Variants in CYFIP1 observed in about 807,000 individuals in gnomAD.
The protein encoded by CYFIP1 is cytoplasmic FMR1-interacting protein 1.
Under a neutral mutation model 163.5 loss-of-function variants are expected in CYFIP1, and 58 were observed. The observed-to-expected ratio is 0.35, with a 90% CI of 0.29 to 0.44. The LOEUF (loss-of-function observed/expected upper bound fraction) is 0.44, where lower values mean the gene tolerates loss of function less well. Among genes scored for constraint, CYFIP1 ranks in the 20% least tolerant of loss-of-function variants. The pLI, the probability that CYFIP1 is intolerant of heterozygous loss-of-function variation, is 1.00. For missense variants in CYFIP1, 1,338 were observed against 1,653.8 expected (o/e 0.81, Z 3.31); for synonymous variants, 663 against 660.7 (o/e 1.00, Z -0.05).
intron 3 of CYFIP1, chr15:22,946,742 T>G: frequency 1.6e-6 from 1 of 637,428 alleles, no homozygotes; most frequent in African/African-American, 1.8e-5. Context: ...GGAGAGGGAA[T>G]GAGCATTAAC....
intron 8 of CYFIP1, among the ~76,000 whole-genome samples, chr15:22,937,573 T>G (rs949197133): frequency 2.0e-5 from 3 of 151,940 alleles, no homozygotes; most frequent in African/African-American, 4.8e-5. Flanking sequence ...CAGTTAAGTT[T>G]CGGTGTATGC....
At chr15:22,907,095 C>A (rs2060611294) in intron 21 of CYFIP1, among the ~76,000 whole-genome samples, 1 of 152,196 alleles carries the variant, frequency 6.6e-6, no homozygotes, top group African/African-American at 2.4e-5. Flanking sequence ...AGCTTACATG[C>A]TATTCCCAGC....
At chr15:22,920,159 CTTTTTTTTTTTTTTT>C (rs71117470) in intron 13 of CYFIP1, among the ~76,000 whole-genome samples, 5 of 75,520 alleles carry the variant, frequency 6.6e-5, no homozygotes, top group African/African-American at 2.7e-4. Flanking sequence ...ATTAAGGCAG[CTTTTTTTTTTTTTTT>C]TTTTTTTTGA....
chr15:22,955,981 A>G lies in CYFIP1; in HGVS notation c.-6-8690T>C, dbSNP rs148231044. 9.1e-4 allele frequency among the ~76,000 whole-genome samples: 138 copies of G among 152,232 alleles called. 1 individual carries two copies. In the East Asian group the frequency reaches 0.023, roughly 26 times the overall value. ...TTCTCTAATCCCAGCACTTTGGGAGACCGAGGCTTGAGGTCAGGAGTTTGA... is the reference window on the plus strand; with the variant it reads ...TTCTCTAATCCCAGCACTTTGGGAGGCCGAGGCTTGAGGTCAGGAGTTTGA... On this transcript the variant is annotated intron_variant, in intron 1 of 30. Coordinates refer to ENST00000617928, the MANE Select transcript of CYFIP1 (RefSeq NM_014608.6).
intron 11 of CYFIP1, 29 bp downstream of exon 11, chr15:22,932,194 C>A (rs1183981271): frequency 1.9e-6 from 3 of 1,549,218 alleles, no homozygotes; most frequent in Non-Finnish European, 2.6e-6. Context: ...CCCTCGGGTG[C>A]CTGTGCAGCT....
At chr15:22,899,998 T>C (rs1417719814) in intron 22 of CYFIP1, among the ~76,000 whole-genome samples, 7 of 152,112 alleles carry the variant, frequency 4.6e-5, no homozygotes, top group Admixed American at 4.6e-4. Context: ...GAGCCGAGAC[T>C]GTACAACTGC....
chr15:22,976,387 C>T (rs950249529), intron 1 of CYFIP1, among the ~76,000 whole-genome samples: 6 of 152,010 alleles, frequency 3.9e-5, no homozygotes, highest in Admixed American at 1.3e-4. Context: ...CGAACTCCTG[C>T]CCTTGTGATC....
At chr15:22,894,278 CTTTTTTTTT>C (rs57603773) in intron 22 of CYFIP1, among the ~76,000 whole-genome samples, 2 of 65,470 alleles carry the variant, frequency 3.1e-5, no homozygotes, top group East Asian at 5.0e-4. Flanking sequence ...GCAGACTTTT[CTTTTTTTTT>C]TTTTTTTTTT....
At chr15:22,938,201 GAAT>G (rs1213228734) in intron 8 of CYFIP1, among the ~76,000 whole-genome samples, 3 of 152,168 alleles carry the variant, frequency 2.0e-5, no homozygotes, top group African/African-American at 4.8e-5. Context: ...AATTTGAACA[GAAT>G]AATAAAGAAT....
chr15:22,884,923 A>AG (rs1316193914), intron 23 of CYFIP1, among the ~76,000 whole-genome samples: 4 of 117,366 alleles, frequency 3.4e-5, no homozygotes, highest in Non-Finnish European at 6.5e-5. Context: ...ACCAGGAAGC[A>AG]GGGATGCAGG....
Position 22,955,010 on chromosome 15 carries a change from G to C in CYFIP1, c.-6-7719C>G, listed in dbSNP as rs149729186. Among the ~76,000 whole-genome samples the C allele has an allele frequency of 3.8e-3, 572 of 152,276 alleles. 3 individuals carry two copies. Among genetic ancestry groups the C allele is most frequent in the Non-Finnish European group, 6.0e-3 (408 of 68,018 alleles). ...GGCTCCGTGTCTGAGCTCACATCAT[G>C]CTGCACACCTCACTCACCTGCTGGA... On this transcript the variant is annotated intron_variant, in intron 1 of 30. Coordinates refer to ENST00000617928, the MANE Select transcript of CYFIP1 (RefSeq NM_014608.6).
intron 23 of CYFIP1, among the ~76,000 whole-genome samples, chr15:22,889,269 A>C (rs555477411): frequency 6.6e-6 from 1 of 152,298 alleles, no homozygotes; most frequent in African/African-American, 2.4e-5. Context: ...CCAAGTGCCC[A>C]TTCCCTGGAG....
chr15:22,906,765 A>T (rs2060599744), intron 21 of CYFIP1, among the ~76,000 whole-genome samples: 1 of 152,164 alleles, frequency 6.6e-6, no homozygotes. Context: ...GCGCCCGGCC[A>T]GCAACTACTA....
At chr15:22,901,945 G>A (rs1046172170) in intron 22 of CYFIP1, among the ~76,000 whole-genome samples, 15 of 152,154 alleles carry the variant, frequency 9.9e-5, no homozygotes, top group East Asian at 1.9e-4. Flanking sequence ...TGAGTAAACC[G>A]GAGCTCTTCT....
intron 1 of CYFIP1, chr15:22,947,779 C>G (rs1258581366): frequency 2.8e-5 from 7 of 245,898 alleles, no homozygotes; most frequent in Non-Finnish European, 4.6e-5. Flanking sequence ...CCCTGCCGCC[C>G]AACACCAGCT....
intron 25 of CYFIP1, among the ~76,000 whole-genome samples, chr15:22,880,677 C>T (rs570219253): frequency 2.0e-5 from 3 of 152,174 alleles, no homozygotes; most frequent in Non-Finnish European, 2.9e-5. Flanking sequence ...TCAGGAGGGG[C>T]CTAAACTACC....
At chr15:22,928,389 TAATAAATA>T (rs200548603) in intron 11 of CYFIP1, among the ~76,000 whole-genome samples, 32,196 of 147,470 alleles carry the variant, frequency 0.22, 4,302 homozygotes, top group Middle Eastern at 0.31. Context: ...TCTCAAAAAA[TAATAAATA>T]AATAAATAAA....
chr15:22,964,314 AACTGGCGGCCC>A (rs2062814974), intron 1 of CYFIP1, among the ~76,000 whole-genome samples: 40 of 77,140 alleles, frequency 5.2e-4, no homozygotes, highest in South Asian at 7.5e-4. Flanking sequence ...ACACACACAC[AACTGGCGGCCC>A]CACCAGCAGA....
intron 23 of CYFIP1, among the ~76,000 whole-genome samples, chr15:22,885,393 T>A (rs1234514496): frequency 2.6e-5 from 4 of 152,162 alleles, no homozygotes; most frequent in Non-Finnish European, 5.9e-5. Flanking sequence ...ACCACCTTAG[T>A]TAGCCTGCAC....
Sources: gnomAD v4.1 joint callset for allele counts (sites outside exome capture counted in the v4.1 genomes callset) on GRCh38, gnomAD v4.1.1 for gene constraint, MANE v1.5 for transcripts, NCBI Gene and HGNC (gene_info 2026-07-23, HGNC 2026-07-21) for gene names.